Variants in TAF5L observed in about 807,000 individuals in gnomAD.
TAF5L encodes TATA-box binding protein associated factor 5 like.
In TAF5L, 7 loss-of-function variants were observed where a neutral mutation model predicts 51.3. The ratio of observed to expected loss-of-function variants is 0.14; its 90% CI spans 0.08 to 0.26. The LOEUF is 0.26. TAF5L is among the 10% of genes least tolerant of loss of function. The pLI is 1.00. For synonymous variants in TAF5L, 291 were observed against 308.1 expected (o/e 0.94, Z 0.58); for missense variants, 575 against 758.9 (o/e 0.76, Z 2.85).
rs116806319 is a variant in TAF5L at position 229,609,788 on chromosome 1, G to A, written c.247+318C>T. 7.0e-3 allele frequency among the ~76,000 whole-genome samples: 964 copies of A among 138,110 alleles called. 11 individuals are homozygous for A. The highest frequency in any genetic ancestry group is 0.024 in the African/African-American group (910 of 37,700). 90.6% of individuals were successfully genotyped at this position (138,110 alleles called of 152,430 possible). A position where few individuals can be genotyped will look rare whatever the true frequency, so the allele number is the denominator to read the frequency against. ...ACAAGTCACAAGTCACTGTGCTGAA[G>A]GCCATGAATAAAACAGTGAATAAAC... On this transcript the variant is annotated intron_variant, in intron 3 of 4. Coordinates refer to ENST00000258281, the Ensembl canonical transcript of TAF5L.
At chr1:229,596,228 G>A (rs980577726) in intron 4 of TAF5L, among the ~76,000 whole-genome samples, 2 of 152,102 alleles carry the variant, frequency 1.3e-5, no homozygotes, top group Admixed American at 6.5e-5. Flanking sequence ...GAACTGTGAT[G>A]GCACCACTGC....
At chr1:229,598,301 T>A (rs1664205989) in intron 4 of TAF5L, among the ~76,000 whole-genome samples, 1 of 152,374 alleles carries the variant, frequency 6.6e-6, no homozygotes, top group African/African-American at 2.4e-5. Context: ...AATTAACAAA[T>A]TTTTAACCTT....
intron 3 of TAF5L, among the ~76,000 whole-genome samples, chr1:229,604,786 C>T (rs1190858768): frequency 6.6e-6 from 1 of 152,106 alleles, no homozygotes; most frequent in East Asian, 1.9e-4. Context: ...CCAGCAACCA[C>T]CATGTGACCA....
chr1:229,594,164 C>T lies in TAF5L; in HGVS notation c.*133G>A, dbSNP rs1664024925. On this transcript the variant is annotated 3_prime_UTR_variant, in exon 5 of 5. Transcript: ENST00000258281. The surrounding 1 kb of genome is among the most constrained non-coding windows in gnomAD (Gnocchi z 7.9). ...GGGGGGCTGAGTGAAGGGGGACCTGCCCGGAATGAGGGCCCAGGAGAGAGG... is the reference window on the plus strand; with the variant it reads ...GGGGGGCTGAGTGAAGGGGGACCTGTCCGGAATGAGGGCCCAGGAGAGAGG... 9.2e-7 allele frequency: 1 copy of T among 1,086,182 alleles called. No individual in the cohort carries two copies. The highest frequency in any genetic ancestry group is 1.7e-5 in the South Asian group (1 of 60,126). 67.3% of individuals were successfully genotyped at this position (1,086,182 alleles called of 1,614,324 possible).
intron 3 of TAF5L, among the ~76,000 whole-genome samples, chr1:229,605,339 G>A (rs535171006): frequency 6.6e-5 from 10 of 152,306 alleles, no homozygotes; most frequent in African/African-American, 1.9e-4. Flanking sequence ...ATCACGGAGA[G>A]GAGTAAACAT....
chr1:229,615,224 AC>A (rs1458604168), intron 1 of TAF5L, among the ~76,000 whole-genome samples: 1 of 152,036 alleles, frequency 6.6e-6, no homozygotes, highest in Non-Finnish European at 1.5e-5. Flanking sequence ...AGTAGCTGGG[AC>A]TACAGGCACC....
In TAF5L at chr1:229,599,305, A is replaced by C. The variant is rs928839504; in HGVS notation, c.972+2890T>G. 76 of 573,324 alleles carry C rather than the reference A, an allele frequency of 1.3e-4. No individual in the cohort carries two copies. The African/African-American group carries it at 1.4e-3, about 11-fold the overall frequency. The allele number at this position is 573,324 out of a possible 1,614,324, so 35.5% of individuals were successfully genotyped here. A position where few individuals can be genotyped will look rare whatever the true frequency, so the allele number is the denominator to read the frequency against. Reference sequence around the variant, plus strand: ...TTTTTTTAAACTGAGATATAATTACATACTATATAATTCTTTCAAAGTGTA... The same window carrying C: ...TTTTTTTAAACTGAGATATAATTACCTACTATATAATTCTTTCAAAGTGTA... On this transcript the variant is annotated intron_variant, in intron 4 of 4. Transcript: ENST00000258281.
chr1:229,605,864 C>T (rs1328198325), intron 3 of TAF5L, among the ~76,000 whole-genome samples: 3 of 152,248 alleles, frequency 2.0e-5, no homozygotes, highest in African/African-American at 7.2e-5. Context: ...CAAGCCTCCA[C>T]AATTGCATGG....
chr1:229,606,315 CT>C (rs1664594361), intron 3 of TAF5L: 1 of 856,234 alleles, frequency 1.2e-6, no homozygotes, highest in African/African-American at 1.8e-5. Flanking sequence ...AGTGTACTCA[CT>C]TAAAATATAT....
rs567436350 is a variant in TAF5L at position 229,613,329 on chromosome 1, CAAAAA to C, written c.142+1007_142+1011del. 9.5e-5 allele frequency among the ~76,000 whole-genome samples: 8 copies of C among 84,568 alleles called. No individual in the cohort carries two copies. The East Asian group carries it at 2.3e-3, about 25-fold the overall frequency. The allele number at this position is 84,568 out of a possible 152,430, so 55.5% of individuals were successfully genotyped here. A position where few individuals can be genotyped will look rare whatever the true frequency, so the allele number is the denominator to read the frequency against. On this transcript the variant is annotated intron_variant, in intron 2 of 4. Transcript: ENST00000258281. ...TGGGTGATGGAGAGAGACTCTGTCT[CAAAAA>C]AAAAAAAAAAAAAAGAAGAAAGAAG...
In TAF5L at chr1:229,602,649, T is replaced by C. The variant is rs750765676; in HGVS notation, c.518A>G (p.Asn173Ser). ...ACTTTGGAGGTAGCGGATAAGGTAG[T>C]TGTAGCTGTCTTCTTGGAGACGGAC... The change falls in exon 4 of 5, where the codon AAC becomes AGC. Residue 173 changes from asparagine to serine, a missense_variant. Coordinates refer to ENST00000258281, the Ensembl canonical transcript of TAF5L. This position sits in a 1 kb window ranked among gnomAD's most constrained non-coding sequence, Gnocchi z 4.6. The C allele has an allele frequency of 2.1e-5, 34 of 1,614,070 alleles. No homozygotes were observed. Among genetic ancestry groups the C allele is most frequent in the Non-Finnish European group, 2.8e-5 (33 of 1,180,038 alleles).
At chr1:229,614,977 G>C (rs1019208161) in intron 1 of TAF5L, among the ~76,000 whole-genome samples, 8 of 152,234 alleles carry the variant, frequency 5.3e-5, no homozygotes, top group Non-Finnish European at 1.0e-4. Context: ...AAAGCATGAA[G>C]TTAACAATGG....
chr1:229,602,281 T>C lies in TAF5L; in HGVS notation c.886A>G (p.Ser296Gly). ...GATTTTAACTTCTTGGATCGTAAAC[T>C]CCAAAGTTTTATACAGGAGTTGTCA... is the stretch of plus-strand genomic sequence containing the variant. Residue 296 changes from serine (S) to glycine (G), a missense_variant, in exon 4 of 5, where the codon AGT (serine) becomes GGT (glycine). Transcript: ENST00000258281. The surrounding 1 kb of genome is among the most constrained non-coding windows in gnomAD (Gnocchi z 4.6). 1 of 1,614,092 alleles carries C rather than the reference T, an allele frequency of 6.2e-7. No individual in the cohort carries two copies. The highest frequency in any genetic ancestry group is 1.1e-5 in the South Asian group (1 of 91,080).
At chr1:229,614,193 A>G in intron 2 of TAF5L, 148 bp downstream of exon 2, 1 of 1,298,746 alleles carries the variant, frequency 7.7e-7, no homozygotes, top group South Asian at 1.2e-5. Flanking sequence ...TGAGGCCAAC[A>G]TCATTCACTT....
In TAF5L at chr1:229,594,469, G is replaced by A; in HGVS notation, c.1598C>T (p.Ser533Leu). Reference sequence around the variant, plus strand: ...GTTCCTGATGTCCCAGACGCGCACCGAGTTGTCCATGGAGGCAGAGGCAAT... The same window carrying A: ...GTTCCTGATGTCCCAGACGCGCACCAAGTTGTCCATGGAGGCAGAGGCAAT... The change falls in exon 5 of 5, where the codon TCG becomes TTG. Residue 533 changes from serine to leucine, a missense_variant. By Grantham distance (145) the Ser-to-Leu change is moderately radical. This residue lies in a region of TAF5L where 91 missense variants were observed against 96.9 expected (regional missense o/e 0.94). Coordinates refer to ENST00000258281, the Ensembl canonical transcript of TAF5L. This position sits in a 1 kb window ranked among gnomAD's most constrained non-coding sequence, Gnocchi z 7.9. 6.2e-7 allele frequency: 1 copy of A among 1,614,136 alleles called. No homozygotes were observed. Among genetic ancestry groups the A allele is most frequent in the Non-Finnish European group, 8.5e-7 (1 of 1,180,034 alleles).
chr1:229,616,344 C>T (rs998426054), intron 1 of TAF5L, among the ~76,000 whole-genome samples: 4 of 146,630 alleles, frequency 2.7e-5, no homozygotes, highest in African/African-American at 9.9e-5. Context: ...TAAAATTCCA[C>T]CTTTTCCGGA....
rs1444821918 is a variant in TAF5L, at chr1:229,610,089, T to C, written c.247+17A>G. On this transcript the variant is annotated intron_variant, in intron 3 of 4. Transcript: ENST00000258281. ...CTGTTTTCTTAAAAAGAAAAGGTTC[T>C]AGAGCTGAGTACTTACCAGTGAGAA... 3.1e-6 allele frequency: 5 copies of C among 1,611,698 alleles called. No homozygotes were observed. Among genetic ancestry groups the C allele is most frequent in the Non-Finnish European group, 2.5e-6 (3 of 1,177,924 alleles).
At chr1:229,614,237 T>C in intron 2 of TAF5L, 104 bp downstream of exon 2, 2 of 1,602,318 alleles carry the variant, frequency 1.2e-6, no homozygotes, top group Non-Finnish European at 1.7e-6. Context: ...GTCAGTCTGC[T>C]CTCTCTGGCA....
chr1:229,614,472 A>G lies in TAF5L; in HGVS notation c.11T>C (p.Val4Ala), dbSNP rs762906515. ...TGCCATCTGAATCTGCTCGGTACGC[A>G]CTCGTTTCATGACCTTCAAGGGAGG... Residue 4 changes from valine (V) to alanine (A), a missense_variant, in exon 2 of 5, where the codon GTG becomes GCG. Physicochemically the swap from Val to Ala is moderately conservative, Grantham distance 64. Transcript: ENST00000258281. 2.5e-6 allele frequency: 4 copies of G among 1,614,062 alleles called. No homozygotes were observed. In the South Asian group the frequency reaches 4.4e-5, roughly 18 times the overall value.
Sources: gnomAD v4.1 joint callset for allele counts (sites outside exome capture counted in the v4.1 genomes callset) on GRCh38, gnomAD v4.1.1 for gene constraint, gnomAD v4.1.1 regional missense constraint, Gnocchi (gnomAD v3.1) non-coding constraint, MANE v1.5 for transcripts, NCBI Gene and HGNC (gene_info 2026-07-23, HGNC 2026-07-21) for gene names.